The following EYA1 variants were observed in gnomAD, a reference collection of about 807,000 sequenced individuals.
EYA1 encodes protein phosphatase EYA1.
EYA1 carries 16 observed loss-of-function variants against 82.0 expected under a neutral mutation model. The observed-to-expected ratio is 0.20, with a 90% CI of 0.13 to 0.30. The LOEUF (loss-of-function observed/expected upper bound fraction) is 0.30. Ranked by LOEUF, EYA1 falls within the 10% of genes least tolerant of loss-of-function variation. EYA1 has a pLI of 1.00. For synonymous variants in EYA1, 261 were observed against 264.4 expected, an observed-to-expected ratio of 0.99 and a Z score of 0.12; for missense variants, 633 against 730.7, an observed-to-expected ratio of 0.87 and a Z score of 1.54.
At chr8:71,369,251 G>A (rs1586567953) in intron 2 of EYA1, among the ~76,000 whole-genome samples, 1 of 150,408 alleles carries the variant, frequency 6.6e-6, no homozygotes, top group East Asian at 1.9e-4. Context: ...TGGCAACACT[G>A]ATTTCCTATT....
chr8:71,391,368 T>C (rs1459319977), intron 2 of EYA1, among the ~76,000 whole-genome samples: 1 of 152,236 alleles, frequency 6.6e-6, no homozygotes, highest in African/African-American at 2.4e-5. Flanking sequence ...TTTATCTTTC[T>C]AGCAACTAGC....
chr8:71,366,710 T>C (rs1333560175), upstream of EYA1, among the ~76,000 whole-genome samples: 1 of 152,230 alleles, frequency 6.6e-6, no homozygotes, highest in African/African-American at 2.4e-5. Flanking sequence ...TATATTTTTA[T>C]GAATCCTGAT....
At chr8:71,289,238 T>C (rs913473463) in intron 9 of EYA1, among the ~76,000 whole-genome samples, 5 of 152,198 alleles carry the variant, frequency 3.3e-5, no homozygotes, top group Non-Finnish European at 7.3e-5. Flanking sequence ...AGTGAACTGA[T>C]TCAGGAAGTG....
intron 9 of EYA1, among the ~76,000 whole-genome samples, chr8:71,276,928 T>C (rs1326858380): frequency 6.6e-6 from 1 of 152,068 alleles, no homozygotes; most frequent in Non-Finnish European, 1.5e-5. Flanking sequence ...AACATACATG[T>C]AAAGGTACTT....
At position 71,198,532 on chromosome 8, in the gene EYA1, A is replaced by C. The variant is rs1244987949; in HGVS notation, c.*808T>G. On this transcript the variant is annotated 3_prime_UTR_variant, in exon 18 of 18. Coordinates refer to ENST00000340726, the MANE Select transcript of EYA1 (RefSeq NM_000503.6). ...TGCACGTGCTGCCTCATGCTTCACT[A>C]TCCAGGCATTGCTACCTTTCAATAT... 1.3e-5 allele frequency: 2 copies of C among 152,632 alleles called. No homozygotes were observed. The highest frequency in any genetic ancestry group is 4.8e-5 in the African/African-American group (2 of 41,446). 9.5% of individuals were successfully genotyped at this position (152,632 alleles called of 1,614,324 possible).
intron 2 of EYA1, among the ~76,000 whole-genome samples, chr8:71,380,020 G>A (rs1350689905): frequency 6.6e-6 from 1 of 152,112 alleles, no homozygotes; most frequent in Non-Finnish European, 1.5e-5. Context: ...TCAGCACCCG[G>A]CACCTGCCGC....
At chr8:71,292,229 C>T (rs1188489436) in intron 9 of EYA1, among the ~76,000 whole-genome samples, 2 of 152,022 alleles carry the variant, frequency 1.3e-5, no homozygotes, top group African/African-American at 2.4e-5. Flanking sequence ...ATAACTTACT[C>T]TATACCTCAG....
chr8:71,444,689 C>T (rs1053183481), intron 2 of EYA1, among the ~76,000 whole-genome samples: 1 of 152,142 alleles, frequency 6.6e-6, no homozygotes, highest in African/African-American at 2.4e-5. Context: ...TGATATAACA[C>T]CAAGCCTACA....
At chr8:71,285,273 C>T (rs1818242589) in intron 9 of EYA1, among the ~76,000 whole-genome samples, 1 of 152,086 alleles carries the variant, frequency 6.6e-6, no homozygotes, top group Admixed American at 6.5e-5. Flanking sequence ...AAAGCTGAAT[C>T]AAGGCAAGTA....
At chr8:71,349,374 G>A (rs2129062223) in intron 3 of EYA1, among the ~76,000 whole-genome samples, 1 of 152,270 alleles carries the variant, frequency 6.6e-6, no homozygotes, top group Non-Finnish European at 1.5e-5. Flanking sequence ...TTAGTAAAAG[G>A]TATTAGAAAA....
At chr8:71,306,878 T>C (rs1381855170) in intron 7 of EYA1, among the ~76,000 whole-genome samples, 3 of 152,220 alleles carry the variant, frequency 2.0e-5, no homozygotes, top group African/African-American at 7.2e-5. Context: ...CTAAGTTCCT[T>C]AAGCTCATTT....
chr8:71,501,753 T>G (rs1191780017), intron 2 of EYA1, among the ~76,000 whole-genome samples: 1 of 152,178 alleles, frequency 6.6e-6, no homozygotes, highest in East Asian at 1.9e-4. Flanking sequence ...ACTGCTGAGC[T>G]CCATATGGTT....
chr8:71,469,483 A>G (rs1809026329), intron 2 of EYA1, among the ~76,000 whole-genome samples: 1 of 152,078 alleles, frequency 6.6e-6, no homozygotes, highest in African/African-American at 2.4e-5. Context: ...CCTGCTTACC[A>G]CCACTTAGCA....
At position 71,449,105 on chromosome 8, in the gene EYA1, CTA is replaced by C. The variant is rs371954470; in HGVS notation, c.33+86637_33+86638del. 35 of 167,642 alleles carry C rather than the reference CTA, an allele frequency of 2.1e-4. No homozygotes were observed. The East Asian group carries it at 5.9e-3, about 28-fold the overall frequency. 10.4% of individuals were successfully genotyped at this position (167,642 alleles called of 1,614,324 possible). ...TCTATGAGGTTGCAAACAGCATGAG[CTA>C]TGGGTAATGACGGTTGTCTTTGGAT... is the stretch of plus-strand genomic sequence containing the variant. On this transcript the variant is annotated intron_variant, in intron 2 of 18. Transcript: ENST00000643681.
At chr8:71,386,053 G>A (rs1367139736) in intron 2 of EYA1, among the ~76,000 whole-genome samples, 1 of 152,140 alleles carries the variant, frequency 6.6e-6, no homozygotes, top group Non-Finnish European at 1.5e-5. Context: ...ATGCTTCACT[G>A]TATTACTTTC....
chr8:71,425,104 CAAAAAAAA>C lies in EYA1; in HGVS notation c.34-68601_34-68594del, dbSNP rs71264555. 1.7e-3 allele frequency among the ~76,000 whole-genome samples: 129 copies of C among 75,276 alleles called. 1 individual carries two copies. The South Asian group carries it at 0.033, about 19-fold the overall frequency. 49.4% of individuals were successfully genotyped at this position (75,276 alleles called of 152,430 possible). On this transcript the variant is annotated intron_variant, in intron 2 of 18. Transcript: ENST00000643681. ...TGAAACCCTGTCTCCACTAAAAATACAAAAAAAAAAAAAAAAAAAAAAAAATCAATGAG... is the reference window on the plus strand; with the variant it reads ...TGAAACCCTGTCTCCACTAAAAATACAAAAAAAAAAAAAAAAATCAATGAG...
intron 2 of EYA1, among the ~76,000 whole-genome samples, chr8:71,407,893 G>C (rs893039518): frequency 6.0e-5 from 9 of 150,280 alleles, no homozygotes; most frequent in Non-Finnish European, 1.2e-4. Flanking sequence ...TACTCCTTGA[G>C]AAGAGCAACT....
At chr8:71,451,259 A>G (rs1439922758) in intron 2 of EYA1, among the ~76,000 whole-genome samples, 5 of 152,254 alleles carry the variant, frequency 3.3e-5, no homozygotes, top group Non-Finnish European at 1.5e-5. Flanking sequence ...TCATCATCAC[A>G]GCAATAAGTA....
At chr8:71,248,009 T>C (rs983004165) in intron 11 of EYA1, among the ~76,000 whole-genome samples, 4 of 152,240 alleles carry the variant, frequency 2.6e-5, no homozygotes, top group Non-Finnish European at 4.4e-5. Flanking sequence ...TATATGACCA[T>C]TGAAAGAATT....
Sources: gnomAD v4.1 joint callset for allele counts (sites outside exome capture counted in the v4.1 genomes callset) on GRCh38, gnomAD v4.1.1 for gene constraint, MANE v1.5 for transcripts, NCBI Gene and HGNC (gene_info 2026-07-23, HGNC 2026-07-21) for gene names.